Variants in ADAMTS2 observed in about 807,000 individuals in gnomAD.
ADAMTS2 encodes ADAM metallopeptidase with thrombospondin type 1 motif 2, also known as A disintegrin and metalloproteinase with thrombospondin motifs 2.
A neutral mutation model predicts 123.0 loss-of-function variants in ADAMTS2; 50 were observed. That is an observed-to-expected ratio of 0.41 (90% CI 0.32 to 0.51). The LOEUF (loss-of-function observed/expected upper bound fraction) is 0.51, where lower values mean the gene tolerates loss of function less well. Among genes scored for constraint, ADAMTS2 ranks in the 20% least tolerant of loss-of-function variants. The pLI, the probability that ADAMTS2 is intolerant of heterozygous loss-of-function variation, is 0.35. For synonymous variants in ADAMTS2, 678 were observed against 695.4 expected, an observed-to-expected ratio of 0.98 and a Z score of 0.39; for missense variants, 1,494 against 1,705.2, an observed-to-expected ratio of 0.88 and a Z score of 2.18.
At chr5:179,274,028 A>G (rs904153107) in intron 2 of ADAMTS2, among the ~76,000 whole-genome samples, 6 of 100,644 alleles carry the variant, frequency 6.0e-5, no homozygotes, top group Non-Finnish European at 1.1e-4. Context: ...CAGCTCGGCC[A>G]TCTGGTAAAC....
intron 2 of ADAMTS2, among the ~76,000 whole-genome samples, chr5:179,296,449 C>T (rs952823995): frequency 6.6e-6 from 1 of 151,954 alleles, no homozygotes; most frequent in African/African-American, 2.4e-5. Flanking sequence ...GATCCTTCAG[C>T]GAGGCTGGGG....
chr5:179,158,861 T>A lies in ADAMTS2; in HGVS notation c.994A>T (p.Ile332Phe). 1.2e-6 allele frequency: 2 copies of A among 1,614,056 alleles called. No individual in the cohort carries two copies. Among genetic ancestry groups the A allele is most frequent in the South Asian group, 1.1e-5 (1 of 91,076 alleles). Residue 332 changes from isoleucine (I) to phenylalanine (F), a missense_variant, in exon 6 of 22, where the codon ATC becomes TTC. Ile to Phe is a conservative substitution (Grantham distance 21). Around this residue, in one of 6 missense-constraint regions of ADAMTS2, gnomAD observed 70 missense variants for 85.3 expected, o/e 0.82. Transcript: ENST00000251582. The surrounding 1 kb of genome is among the most constrained non-coding windows in gnomAD (Gnocchi z 5.0). ...SYGKSMSLIE[I>F]GNPSQSLENV... is the part of the protein sequence containing the mutation. The stretch of plus-strand genomic sequence containing the variant: ...TCCAGGCTCTGAGAGGGGTTCCCGA[T>A]CTCGATGAGGCTCATGGACTGCAGG...
intron 3 of ADAMTS2, among the ~76,000 whole-genome samples, chr5:179,238,609 G>A (rs1052540132): frequency 3.3e-5 from 5 of 152,124 alleles, no homozygotes; most frequent in Admixed American, 3.3e-4. Flanking sequence ...GTCTAGAAAG[G>A]GCATCCAGGC....
chr5:179,234,440 CCCTCGCTCT>C lies in ADAMTS2; in HGVS notation c.689-26734_689-26726del, dbSNP rs1218806106. On this transcript the variant is annotated intron_variant, in intron 3 of 21. Coordinates refer to ENST00000251582, the MANE Select transcript of ADAMTS2 (RefSeq NM_014244.5). The surrounding 1 kb of genome is among the most constrained non-coding windows in gnomAD (Gnocchi z 4.7). The stretch of plus-strand genomic sequence containing the variant: ...CTGGGCTTCCGTGTGCAGGGCTTCA[CCCTCGCTCT>C]CCTCTCTGCCTGCTCCACACCTGCT... 2.0e-5 allele frequency among the ~76,000 whole-genome samples: 3 copies of C among 152,078 alleles called. No individual in the cohort carries two copies. The highest frequency in any genetic ancestry group is 4.4e-5 in the Non-Finnish European group (3 of 68,004).
chr5:179,295,008 G>A (rs1204803316), intron 2 of ADAMTS2, among the ~76,000 whole-genome samples: 6 of 152,166 alleles, frequency 3.9e-5, no homozygotes, highest in African/African-American at 7.2e-5. Context: ...GGAACTTGGC[G>A]GGTTCCCACT....
chr5:179,301,586 G>A (rs369842504), intron 2 of ADAMTS2, among the ~76,000 whole-genome samples: 23 of 152,228 alleles, frequency 1.5e-4, no homozygotes, highest in Admixed American at 3.3e-4. Context: ...GCCCTGTGGC[G>A]CCCAGATGCC....
In ADAMTS2 at chr5:179,130,103, G is replaced by A. The variant is rs1219599651; in HGVS notation, c.2291-5C>T. ...CTGTCTCCAGGTTCTTGACGGCTGA[G>A]AATGGCAAGACCAAGTCCCCCGTTG... is the stretch of plus-strand genomic sequence containing the variant. On this transcript the variant is annotated splice_polypyrimidine_tract_variant and splice_region_variant and intron_variant, in intron 15 of 21. Transcript: ENST00000251582. The surrounding 1 kb of genome is among the most constrained non-coding windows in gnomAD (Gnocchi z 4.3). 6.2e-7 allele frequency: 1 copy of A among 1,613,930 alleles called. No homozygotes were observed. The highest frequency in any genetic ancestry group is 8.5e-7 in the Non-Finnish European group (1 of 1,180,020).
chr5:179,315,227 G>A (rs1315306338), intron 2 of ADAMTS2, among the ~76,000 whole-genome samples: 2 of 43,468 alleles, frequency 4.6e-5, no homozygotes, highest in African/African-American at 9.4e-5. Context: ...CCATGGACAA[G>A]ATTAAATACC....
At chr5:179,220,429 G>A (rs1186683148) in intron 3 of ADAMTS2, among the ~76,000 whole-genome samples, 1 of 152,174 alleles carries the variant, frequency 6.6e-6, no homozygotes, top group Non-Finnish European at 1.5e-5. Flanking sequence ...TCATCTGGAA[G>A]CCTGGCATTG....
At chr5:179,191,317 G>A (rs1764300200) in intron 4 of ADAMTS2, among the ~76,000 whole-genome samples, 1 of 152,166 alleles carries the variant, frequency 6.6e-6, no homozygotes, top group Non-Finnish European at 1.5e-5. Flanking sequence ...GGCTCAGTGA[G>A]GAGTTTCCTT....
intron 3 of ADAMTS2, among the ~76,000 whole-genome samples, chr5:179,240,906 C>T (rs781325357): frequency 1.1e-3 from 172 of 152,218 alleles, no homozygotes; most frequent in Non-Finnish European, 2.0e-3. Context: ...CAGGGTTCAA[C>T]TCTCCTGGCA....
intron 2 of ADAMTS2, among the ~76,000 whole-genome samples, chr5:179,310,161 G>A (rs1352662160): frequency 1.3e-5 from 2 of 152,252 alleles, no homozygotes; most frequent in African/African-American, 4.8e-5. Context: ...CACGTCCCAT[G>A]TCCCCACAGC....
At position 179,314,906 on chromosome 5, in the gene ADAMTS2, A is replaced by T. The variant is rs1373380928; in HGVS notation, c.534+28861T>A. Among the ~76,000 whole-genome samples, 1 of 152,060 alleles carries T rather than the reference A, an allele frequency of 6.6e-6. No homozygotes were observed. Among genetic ancestry groups the T allele is most frequent in the Non-Finnish European group, 1.5e-5 (1 of 67,988 alleles). On this transcript the variant is annotated intron_variant, in intron 2 of 21. Transcript: ENST00000251582. The surrounding 1 kb of genome is among the most constrained non-coding windows in gnomAD (Gnocchi z 4.5). ...CCCGGGAGCCTCAAGCCCAGGGCCTACCTAGAAGTAACTCTCTTTCCTGAC... is the reference window on the plus strand; with the variant it reads ...CCCGGGAGCCTCAAGCCCAGGGCCTTCCTAGAAGTAACTCTCTTTCCTGAC...
intron 4 of ADAMTS2, among the ~76,000 whole-genome samples, chr5:179,198,583 C>T (rs1324531478): frequency 3.9e-5 from 6 of 152,192 alleles, no homozygotes; most frequent in African/African-American, 1.4e-4. Flanking sequence ...CCTGTGATCC[C>T]AGCACTTTGG....
At position 179,229,878 on chromosome 5, in the gene ADAMTS2, G is replaced by A. The variant is rs552841986; in HGVS notation, c.689-22163C>T. ...TTTCTCGGGGTTCTCCAGGGCGCAT[G>A]CCCCTGTCAGCTGGCCGGACAGGCC... On this transcript the variant is annotated intron_variant, in intron 3 of 21. Transcript: ENST00000251582. Among the ~76,000 whole-genome samples, 5 of 152,298 alleles carry A rather than the reference G, an allele frequency of 3.3e-5. No homozygotes were observed. In the South Asian group the frequency reaches 1.0e-3, roughly 32 times the overall value.
intron 21 of ADAMTS2, chr5:179,120,811 G>C (rs73806892): frequency 6.6e-6 from 1 of 152,222 alleles, no homozygotes; most frequent in Admixed American, 6.5e-5. Flanking sequence ...TTGGCAAAAG[G>C]TGGATGAACG....
rs961448461 is a variant in ADAMTS2 at position 179,256,203 on chromosome 5, C to T, written c.688+16708G>A. On this transcript the variant is annotated intron_variant, in intron 3 of 21. Transcript: ENST00000251582. The surrounding 1 kb of genome is among the most constrained non-coding windows in gnomAD (Gnocchi z 4.1). ...TGCCTTTCGCACAGGGCCCAGCAGC[C>T]AGCTCAGCCCACAGAACAGTAAGCC... Among the ~76,000 whole-genome samples, 1 of 152,212 alleles carries T rather than the reference C, an allele frequency of 6.6e-6. No individual in the cohort carries two copies. The highest frequency in any genetic ancestry group is 1.5e-5 in the Non-Finnish European group (1 of 68,034).
intron 3 of ADAMTS2, among the ~76,000 whole-genome samples, chr5:179,266,553 T>C (rs910075768): frequency 6.6e-6 from 1 of 152,212 alleles, no homozygotes; most frequent in Non-Finnish European, 1.5e-5. Flanking sequence ...ACCTTGATCT[T>C]AGCCCCTAAA....
At chr5:179,237,499 G>T (rs970441992) in intron 3 of ADAMTS2, among the ~76,000 whole-genome samples, 1 of 152,098 alleles carries the variant, frequency 6.6e-6, no homozygotes, top group South Asian at 2.1e-4. Flanking sequence ...TGCTTTTTGT[G>T]GTAGCAGCCT....
Sources: gnomAD v4.1 joint callset for allele counts (sites outside exome capture counted in the v4.1 genomes callset) on GRCh38, gnomAD v4.1.1 for gene constraint, gnomAD v4.1.1 regional missense constraint, Gnocchi (gnomAD v3.1) non-coding constraint, MANE v1.5 for transcripts, NCBI Gene and HGNC (gene_info 2026-07-23, HGNC 2026-07-21) for gene names.